The following RAB27B variants were observed in gnomAD, a reference collection of about 807,000 sequenced individuals.
RAB27B encodes the protein ras-related protein Rab-27B.
Under a neutral mutation model 24.6 loss-of-function variants are expected in RAB27B, and 15 were observed. That is an observed-to-expected ratio of 0.61 (90% CI 0.41 to 0.94). The LOEUF is 0.94. RAB27B is among the 40% of genes least tolerant of loss of function. The probability of loss-of-function intolerance (pLI) is 0.00; values close to 1 mark genes in which losing one functional copy is unlikely to be tolerated. For synonymous variants in RAB27B, 105 were observed against 92.5 expected (o/e 1.14, Z -0.78); for missense variants, 261 against 266.8 (o/e 0.98, Z 0.15).
chr18:54,814,654 G>T (rs1320235758), intron 2 of RAB27B, among the ~76,000 whole-genome samples: 1 of 152,066 alleles, frequency 6.6e-6, no homozygotes, highest in Non-Finnish European at 1.5e-5. Flanking sequence ...GGCAAGGTTT[G>T]TTAAGCATAT....
At chr18:54,889,051 A>G (rs1913258282) in intron 5 of RAB27B, among the ~76,000 whole-genome samples, 173 bp from the exon 6 acceptor site, 1 of 152,194 alleles carries the variant, frequency 6.6e-6, no homozygotes, top group Non-Finnish European at 1.5e-5. Flanking sequence ...CAGCTCACCA[A>G]TTTTTACTCA....
intron 2 of RAB27B, among the ~76,000 whole-genome samples, chr18:54,755,496 ATTC>A (rs1381327996): frequency 2.0e-5 from 3 of 152,190 alleles, no homozygotes; most frequent in Non-Finnish European, 2.9e-5. Context: ...AGTCTCTAGA[ATTC>A]TTCTCCTATG....
At chr18:54,771,090 G>A (rs964667611) in intron 2 of RAB27B, among the ~76,000 whole-genome samples, 1 of 152,064 alleles carries the variant, frequency 6.6e-6, no homozygotes, top group Non-Finnish European at 1.5e-5. Context: ...AGTAAGATGG[G>A]GTGAGCAAGA....
intron 2 of RAB27B, among the ~76,000 whole-genome samples, chr18:54,798,355 T>A (rs1273968725): frequency 6.6e-6 from 1 of 152,220 alleles, no homozygotes; most frequent in Non-Finnish European, 1.5e-5. Context: ...TTGAAGAGAC[T>A]TCAACTGTTG....
intron 2 of RAB27B, among the ~76,000 whole-genome samples, chr18:54,726,591 A>C (rs1258080427): frequency 6.6e-6 from 1 of 151,620 alleles, no homozygotes; most frequent in African/African-American, 2.4e-5. Context: ...CACATGATTA[A>C]AAGTAAACAC....
chr18:54,870,534 T>C (rs547329692), intron 1 of RAB27B, among the ~76,000 whole-genome samples: 2 of 152,186 alleles, frequency 1.3e-5, no homozygotes, highest in Non-Finnish European at 2.9e-5. Context: ...AAAACACAAA[T>C]AGAAGCATAA....
At chr18:54,871,337 C>T (rs1029434100) in intron 1 of RAB27B, among the ~76,000 whole-genome samples, 5 of 152,126 alleles carry the variant, frequency 3.3e-5, no homozygotes, top group African/African-American at 9.7e-5. Flanking sequence ...GTTACGGGAA[C>T]GAATATTTCA....
chr18:54,862,866 C>A (rs2145240497), intron 1 of RAB27B, among the ~76,000 whole-genome samples: 1 of 152,322 alleles, frequency 6.6e-6, no homozygotes, highest in South Asian at 2.1e-4. Context: ...GCTGTTGGAA[C>A]TTTGTCAAAT....
chr18:54,746,145 G>A (rs1035073819), intron 2 of RAB27B, among the ~76,000 whole-genome samples: 14 of 152,246 alleles, frequency 9.2e-5, no homozygotes, highest in Middle Eastern at 6.8e-3. Context: ...CTTTGTTTGA[G>A]AAGACTGAAA....
At chr18:54,754,585 C>T (rs1200440104) in intron 2 of RAB27B, among the ~76,000 whole-genome samples, 2 of 152,084 alleles carry the variant, frequency 1.3e-5, no homozygotes, top group Non-Finnish European at 2.9e-5. Context: ...AGGAATGCAC[C>T]GTCTTTGTTT....
At chr18:54,791,597 G>A (rs547714991) in intron 2 of RAB27B, among the ~76,000 whole-genome samples, 161 of 152,244 alleles carry the variant, frequency 1.1e-3, no homozygotes, top group African/African-American at 3.7e-3. Context: ...CGTGGTCCCT[G>A]GCTAGGGTTC....
At chr18:54,812,492 T>A (rs191446027) in intron 2 of RAB27B, among the ~76,000 whole-genome samples, 1 of 151,468 alleles carries the variant, frequency 6.6e-6, no homozygotes, top group African/African-American at 2.4e-5. Flanking sequence ...TAGTACTCAT[T>A]GCAGAGACAG....
chr18:54,733,508 A>C (rs1208106879), intron 2 of RAB27B, among the ~76,000 whole-genome samples: 1 of 152,170 alleles, frequency 6.6e-6, no homozygotes, highest in African/African-American at 2.4e-5. Flanking sequence ...TTCTGTCTAG[A>C]AATTTTCAGA....
At chr18:54,850,334 A>ACATATATATATATATATATATATATATG in intron 1 of RAB27B, among the ~76,000 whole-genome samples, 1 of 8,982 alleles carries the variant, frequency 1.1e-4, no homozygotes. Flanking sequence ...AACAAACAGG[A>ACATATATATATATATATATATATATATG]TATATATATA....
At chr18:54,720,067 A>C (rs1009231630) in intron 2 of RAB27B, among the ~76,000 whole-genome samples, 23 of 152,128 alleles carry the variant, frequency 1.5e-4, no homozygotes, top group African/African-American at 5.3e-4. Flanking sequence ...TTTCTTCCTG[A>C]ATTTAAGTCC....
At chr18:54,835,981 G>A (rs1910878598) in intron 1 of RAB27B, among the ~76,000 whole-genome samples, 2 of 151,912 alleles carry the variant, frequency 1.3e-5, no homozygotes, top group Non-Finnish European at 2.9e-5. Flanking sequence ...CGTACTTGAT[G>A]AGAATTTATG....
intron 2 of RAB27B, among the ~76,000 whole-genome samples, chr18:54,767,815 G>T (rs1437947777): frequency 6.6e-6 from 1 of 152,126 alleles, no homozygotes; most frequent in Non-Finnish European, 1.5e-5. Flanking sequence ...TCTGCTTATT[G>T]TGTGGACTCA....
chr18:54,853,067 T>A (rs2145222574), intron 1 of RAB27B, among the ~76,000 whole-genome samples: 1 of 152,356 alleles, frequency 6.6e-6, no homozygotes, highest in South Asian at 2.1e-4. Flanking sequence ...CTGGCTTAGC[T>A]GTTTTCCTCT....
chr18:54,879,982 A>C (rs1162709959), intron 3 of RAB27B: 1 of 153,530 alleles, frequency 6.5e-6, no homozygotes, highest in African/African-American at 2.4e-5. Context: ...CCCAGCTCAT[A>C]TTTCTTCTCT....
Sources: gnomAD v4.1 joint callset for allele counts (sites outside exome capture counted in the v4.1 genomes callset) on GRCh38, gnomAD v4.1.1 for gene constraint, MANE v1.5 for transcripts, NCBI Gene and HGNC (gene_info 2026-07-23, HGNC 2026-07-21) for gene names.